The following THSD7B variants were observed in gnomAD, a reference collection of about 807,000 sequenced individuals.
THSD7B encodes the protein thrombospondin type-1 domain-containing protein 7B.
THSD7B carries 138 observed loss-of-function variants against 213.6 expected under a neutral mutation model. The observed-to-expected ratio is 0.65, with a 90% confidence interval of 0.56 to 0.74. The LOEUF (loss-of-function observed/expected upper bound fraction) is 0.74. Among genes scored for constraint, THSD7B ranks in the 30% least tolerant of loss-of-function variants. The pLI is 0.00. For missense variants in THSD7B, 1,931 were observed against 1,991.5 expected (o/e 0.97, Z 0.58); for synonymous variants, 742 against 687.0 (o/e 1.08, Z -1.25).
At chr2:136,805,123 T>C (rs1488035550) in intron 1 of THSD7B, among the ~76,000 whole-genome samples, 1 of 152,250 alleles carries the variant, frequency 6.6e-6, no homozygotes, top group Non-Finnish European at 1.5e-5. Context: ...AGTGATTCCA[T>C]ACAGTTCTTA....
chr2:136,936,255 G>A (rs1459776599), intron 2 of THSD7B, among the ~76,000 whole-genome samples: 1 of 151,982 alleles, frequency 6.6e-6, no homozygotes, highest in Non-Finnish European at 1.5e-5. Flanking sequence ...TATGGAAAAC[G>A]GTGTGGAGAT....
At chr2:136,837,910 G>A (rs186426566) in intron 1 of THSD7B, among the ~76,000 whole-genome samples, 5 of 152,276 alleles carry the variant, frequency 3.3e-5, no homozygotes, top group Admixed American at 3.3e-4. Flanking sequence ...TGCATAATGG[G>A]TTCAGGCATA....
rs1384420380 is a variant in THSD7B at position 137,486,504 on chromosome 2, T to A, written c.3138+35481T>A. ...CCAGATTCATAAAGCAAGTCCTTAGTGACCTACAAAGAGACTTAGACTCCC... is the reference window on the plus strand; with the variant it reads ...CCAGATTCATAAAGCAAGTCCTTAGAGACCTACAAAGAGACTTAGACTCCC... On this transcript the variant is annotated intron_variant, in intron 15 of 27. Coordinates refer to ENST00000409968, the MANE Select transcript of THSD7B (RefSeq NM_001316349.2). 3.1e-3 allele frequency among the ~76,000 whole-genome samples: 474 copies of A among 150,734 alleles called. 4 individuals are homozygous for A. The highest frequency in any genetic ancestry group is 0.027 in the South Asian group (129 of 4,728).
intron 12 of THSD7B, among the ~76,000 whole-genome samples, chr2:137,324,362 G>A (rs893001857): frequency 1.7e-4 from 26 of 152,208 alleles, no homozygotes; most frequent in Middle Eastern, 3.4e-3. Flanking sequence ...AATCGTGGTC[G>A]AATTTATAAT....
chr2:137,015,509 T>A (rs1474030135), intron 2 of THSD7B, among the ~76,000 whole-genome samples: 1 of 152,154 alleles, frequency 6.6e-6, no homozygotes, highest in Non-Finnish European at 1.5e-5. Flanking sequence ...TTGAGCATCG[T>A]GGGTGTGGCT....
chr2:137,017,201 C>A (rs956265859), intron 2 of THSD7B, among the ~76,000 whole-genome samples: 4 of 151,690 alleles, frequency 2.6e-5, no homozygotes, highest in African/African-American at 9.7e-5. Flanking sequence ...TAGTATGTAT[C>A]CGCTATTCTT....
At chr2:136,788,096 G>A (rs1681901819) in intron 1 of THSD7B, among the ~76,000 whole-genome samples, 4 of 152,202 alleles carry the variant, frequency 2.6e-5, no homozygotes, top group Admixed American at 2.6e-4. Context: ...GTAAGGTTAA[G>A]AAATTTCAAG....
intron 2 of THSD7B, among the ~76,000 whole-genome samples, chr2:136,894,065 G>T (rs1019117360): frequency 6.6e-6 from 1 of 152,086 alleles, no homozygotes; most frequent in African/African-American, 2.4e-5. Flanking sequence ...AAAATAAAAA[G>T]CTATTGTGGA....
intron 17 of THSD7B, among the ~76,000 whole-genome samples, chr2:137,574,334 G>A (rs930103255): frequency 9.9e-5 from 15 of 151,986 alleles, no homozygotes; most frequent in African/African-American, 3.6e-4. Flanking sequence ...TTTAGAAATT[G>A]GAGGTAGAGA....
chr2:136,995,156 C>T (rs1467252645), intron 2 of THSD7B, among the ~76,000 whole-genome samples: 1 of 152,192 alleles, frequency 6.6e-6, no homozygotes, highest in Non-Finnish European at 1.5e-5. Context: ...CAACCCAGGA[C>T]TCTATGGCTA....
chr2:137,618,420 C>T lies in THSD7B; in HGVS notation c.3594C>T (p.Asn1198=), dbSNP rs376805206. 4.7e-5 allele frequency: 76 copies of T among 1,613,828 alleles called. No individual in the cohort carries two copies. The highest frequency in any genetic ancestry group is 3.4e-4 in the South Asian group (31 of 91,064). Residue 1198 remains asparagine (N), a synonymous_variant, in exon 19 of 28, where the codon AAC becomes AAT. Coordinates refer to ENST00000409968, the MANE Select transcript of THSD7B (RefSeq NM_001316349.2). ...TEWSTCQLSE[N]APCGQGVRTR... ...GGAGCACATGCCAGCTGAGTGAAAACGCACCCTGTGGTCAAGGCGTCAGGA... is the reference window on the plus strand; with the variant it reads ...GGAGCACATGCCAGCTGAGTGAAAATGCACCCTGTGGTCAAGGCGTCAGGA...
intron 2 of THSD7B, among the ~76,000 whole-genome samples, chr2:136,892,423 C>G (rs12619547): frequency 0.37 from 55,550 of 151,746 alleles, 11,590 homozygotes; most frequent in East Asian, 0.98. Context: ...TGGATTTAGT[C>G]ATAATAAATG....
chr2:137,177,960 A>G (rs1680389044), intron 7 of THSD7B, among the ~76,000 whole-genome samples: 2 of 150,680 alleles, frequency 1.3e-5, no homozygotes, highest in South Asian at 4.3e-4. Flanking sequence ...AATCCCAGCT[A>G]TTCGGGAGGC....
intron 20 of THSD7B, among the ~76,000 whole-genome samples, chr2:137,635,997 C>A (rs1323374876): frequency 1.3e-5 from 2 of 152,142 alleles, no homozygotes; most frequent in Non-Finnish European, 2.9e-5. Context: ...CTACTGTGCC[C>A]AGCCCCTTGC....
chr2:136,978,073 A>G (rs1351348655), intron 2 of THSD7B, among the ~76,000 whole-genome samples: 1 of 152,208 alleles, frequency 6.6e-6, no homozygotes, highest in African/African-American at 2.4e-5. Context: ...TGCTGGGATT[A>G]CAGGCGTGAG....
At chr2:137,316,953 G>T (rs1684125923) in intron 12 of THSD7B, among the ~76,000 whole-genome samples, 1 of 152,050 alleles carries the variant, frequency 6.6e-6, no homozygotes, top group Non-Finnish European at 1.5e-5. Context: ...GAGTTGGTAG[G>T]TTCTGACATA....
chr2:137,506,460 G>A (rs933178510), intron 15 of THSD7B, among the ~76,000 whole-genome samples: 2 of 152,140 alleles, frequency 1.3e-5, no homozygotes, highest in African/African-American at 2.4e-5. Context: ...TATGCTAATG[G>A]AAACCAATTA....
chr2:137,162,754 C>T (rs2104986629), intron 6 of THSD7B, among the ~76,000 whole-genome samples: 1 of 151,502 alleles, frequency 6.6e-6, no homozygotes, highest in African/African-American at 2.4e-5. Context: ...CTTTTCCTTT[C>T]ACTTTCCATT....
chr2:137,360,390 T>G (rs1000479800), intron 12 of THSD7B, among the ~76,000 whole-genome samples: 5 of 151,566 alleles, frequency 3.3e-5, no homozygotes, highest in Admixed American at 1.3e-4. Flanking sequence ...CTACGGAGGG[T>G]GAGCTGAAGC....
Sources: allele counts gnomAD v4.1 joint callset (sites outside exome capture counted in the v4.1 genomes callset), GRCh38; gene constraint gnomAD v4.1.1; transcripts MANE v1.5; gene names NCBI Gene and HGNC (gene_info 2026-07-23, HGNC 2026-07-21).